The following ZNF385D variants were observed in gnomAD, a reference collection of about 807,000 sequenced individuals.
ZNF385D encodes the protein zinc finger protein 385D, also known as zinc finger protein 659.
Under a neutral mutation model 35.8 loss-of-function variants are expected in ZNF385D, and 15 were observed. The ratio of observed to expected loss-of-function variants is 0.42; its 90% confidence interval spans 0.28 to 0.64. The LOEUF is 0.64. Ranked by LOEUF, ZNF385D falls within the 30% of genes least tolerant of loss-of-function variation. The probability of loss-of-function intolerance (pLI) is 0.23; values close to 1 mark genes in which losing one functional copy is unlikely to be tolerated. For synonymous variants in ZNF385D, 212 were observed against 186.8 expected, an observed-to-expected ratio of 1.13 and a Z score of -1.10; for missense variants, 474 against 494.6, an observed-to-expected ratio of 0.96 and a Z score of 0.39.
chr3:21,582,827 G>C (rs1575246820), intron 2 of ZNF385D, among the ~76,000 whole-genome samples: 2 of 151,932 alleles, frequency 1.3e-5, no homozygotes, highest in Non-Finnish European at 2.9e-5. Flanking sequence ...GCCCAGGCTG[G>C]AGTGCAGTGG....
At chr3:21,496,575 C>CATAT (rs143429178) in intron 4 of ZNF385D, among the ~76,000 whole-genome samples, 15 of 140,042 alleles carry the variant, frequency 1.1e-4, no homozygotes, top group African/African-American at 2.1e-4. Context: ...ATATATATAT[C>CATAT]ATATATATAT....
At chr3:21,447,746 T>C (rs1197144297) in intron 4 of ZNF385D, among the ~76,000 whole-genome samples, 2 of 152,194 alleles carry the variant, frequency 1.3e-5, no homozygotes, top group African/African-American at 2.4e-5. Flanking sequence ...ACTGGTAATT[T>C]AGAATGAGTA....
intron 3 of ZNF385D, among the ~76,000 whole-genome samples, chr3:22,134,915 A>G (rs1009043463): frequency 6.6e-6 from 1 of 152,184 alleles, no homozygotes; most frequent in Non-Finnish European, 1.5e-5. Flanking sequence ...ATTAGGTCCA[A>G]CCTTCCAACA....
chr3:21,659,569 T>C (rs2066173332), intron 2 of ZNF385D, among the ~76,000 whole-genome samples: 1 of 152,064 alleles, frequency 6.6e-6, no homozygotes, highest in Non-Finnish European at 1.5e-5. Flanking sequence ...TTCTGGAAGC[T>C]AAAATATAAC....
At chr3:21,981,077 A>G (rs67199539) in intron 3 of ZNF385D, among the ~76,000 whole-genome samples, 37,963 of 152,000 alleles carry the variant, frequency 0.25, 5,189 homozygotes, top group East Asian at 0.33. Context: ...CTCTGGGTAT[A>G]TACATAATAA....
At chr3:21,464,468 T>C (rs1703377830) in intron 4 of ZNF385D, among the ~76,000 whole-genome samples, 1 of 152,158 alleles carries the variant, frequency 6.6e-6, no homozygotes, top group Admixed American at 6.6e-5. Context: ...CATAAGTGCA[T>C]TCATACACAT....
intron 2 of ZNF385D, among the ~76,000 whole-genome samples, chr3:21,592,352 A>G (rs1427061122): frequency 1.3e-5 from 2 of 151,860 alleles, no homozygotes; most frequent in African/African-American, 2.4e-5. Context: ...TTATTTATCT[A>G]TTGTGATTTA....
At chr3:22,078,516 G>A (rs1258507731) in intron 3 of ZNF385D, among the ~76,000 whole-genome samples, 2 of 152,092 alleles carry the variant, frequency 1.3e-5, no homozygotes, top group African/African-American at 4.8e-5. Flanking sequence ...AAAGTTCACA[G>A]ATGAGAGGAT....
At chr3:22,308,698 G>A (rs1184928862) in intron 2 of ZNF385D, among the ~76,000 whole-genome samples, 1 of 152,068 alleles carries the variant, frequency 6.6e-6, no homozygotes, top group African/African-American at 2.4e-5. Flanking sequence ...ACTCATGCCA[G>A]ACTCAGAGTA....
chr3:21,892,637 C>T (rs1254742054), intron 3 of ZNF385D, among the ~76,000 whole-genome samples: 1 of 152,108 alleles, frequency 6.6e-6, no homozygotes, highest in African/African-American at 2.4e-5. Flanking sequence ...AGGAGCTAAA[C>T]ATAGGTCTTT....
intron 3 of ZNF385D, among the ~76,000 whole-genome samples, chr3:21,794,875 A>T (rs1381018407): frequency 6.6e-6 from 1 of 152,184 alleles, no homozygotes; most frequent in Non-Finnish European, 1.5e-5. Context: ...TCATCTGAAC[A>T]TTGCAAATAT....
chr3:21,818,500 T>G (rs116553628), intron 3 of ZNF385D, among the ~76,000 whole-genome samples: 77 of 152,342 alleles, frequency 5.1e-4, no homozygotes, highest in African/African-American at 1.8e-3. Flanking sequence ...GGTGTTATCA[T>G]AATAGTGTGT....
At chr3:21,594,545 G>GGT (rs1055961896) in intron 2 of ZNF385D, among the ~76,000 whole-genome samples, 1 of 152,106 alleles carries the variant, frequency 6.6e-6, no homozygotes, top group African/African-American at 2.4e-5. Flanking sequence ...AGCCCGGAAA[G>GGT]GTGCACAGAT....
At chr3:21,451,412 T>A (rs1417764276) in intron 4 of ZNF385D, among the ~76,000 whole-genome samples, 4 of 152,112 alleles carry the variant, frequency 2.6e-5, no homozygotes, top group Non-Finnish European at 1.5e-5. Context: ...AATGATAGAT[T>A]ACGCATCACT....
In ZNF385D at chr3:21,533,729, A is replaced by G. The variant is rs560757106; in HGVS notation, c.277-22706T>C. On this transcript the variant is annotated intron_variant, in intron 3 of 7. Transcript: ENST00000281523. ...CAAAGTAAAATCATAAATTGCTCCT[A>G]GAATTAATTTATACCATCTATCTAT... is the stretch of plus-strand genomic sequence containing the variant. 3.9e-5 allele frequency among the ~76,000 whole-genome samples: 6 copies of G among 152,272 alleles called. No homozygotes were observed. The East Asian group carries it at 9.6e-4, about 24-fold the overall frequency.
At chr3:21,429,083 C>T (rs570130542) in intron 5 of ZNF385D, among the ~76,000 whole-genome samples, 29 of 151,718 alleles carry the variant, frequency 1.9e-4, no homozygotes, top group African/African-American at 7.0e-4. Flanking sequence ...TTTTAGCTGG[C>T]TTTCAAGTTT....
chr3:21,681,380 A>C (rs1358135066), intron 1 of ZNF385D, among the ~76,000 whole-genome samples: 2 of 143,982 alleles, frequency 1.4e-5, no homozygotes, highest in African/African-American at 5.0e-5. Flanking sequence ...AAATTATGTT[A>C]TTCATTATGT....
chr3:21,994,327 G>T (rs114087368), intron 3 of ZNF385D, among the ~76,000 whole-genome samples: 1,828 of 152,266 alleles, frequency 0.012, 32 homozygotes, highest in African/African-American at 0.042. Context: ...ATCCTGGAAA[G>T]TTTATCTATT....
intron 2 of ZNF385D, among the ~76,000 whole-genome samples, chr3:22,338,764 G>A (rs1269271994): frequency 2.8e-5 from 4 of 145,290 alleles, no homozygotes; most frequent in African/African-American, 1.0e-4. Flanking sequence ...ACAATGGCGC[G>A]ATCTCGGCTC....
Sources: allele counts gnomAD v4.1 joint callset (sites outside exome capture counted in the v4.1 genomes callset), GRCh38; gene constraint gnomAD v4.1.1; transcripts MANE v1.5; gene names NCBI Gene and HGNC (gene_info 2026-07-23, HGNC 2026-07-21).